CCBE1: variants seen among roughly 807,000 people sequenced by gnomAD.
CCBE1 encodes the protein collagen and calcium-binding EGF domain-containing protein 1.
A neutral mutation model predicts 50.0 loss-of-function variants in CCBE1; 37 were observed. That is an observed-to-expected ratio of 0.74 (90% CI 0.57 to 0.97). CCBE1 has a LOEUF of 0.97. Ranked by LOEUF, CCBE1 falls within the 50% of genes least tolerant of loss-of-function variation. The pLI is 0.00. For synonymous variants in CCBE1, 234 were observed against 203.7 expected (o/e 1.15, Z -1.27); for missense variants, 538 against 523.8 (o/e 1.03, Z -0.26).
chr18:59,514,993 G>C (rs868751435), intron 2 of CCBE1, among the ~76,000 whole-genome samples: 6 of 152,182 alleles, frequency 3.9e-5, no homozygotes, highest in Non-Finnish European at 7.3e-5. Context: ...GAAGCAGGAA[G>C]CTCTGATGTT....
At chr18:59,635,276 GA>G (rs1219452076) in intron 2 of CCBE1, among the ~76,000 whole-genome samples, 4 of 152,112 alleles carry the variant, frequency 2.6e-5, no homozygotes, top group African/African-American at 9.7e-5. Flanking sequence ...TGACATTCAA[GA>G]AATTAAGCAA....
At chr18:59,552,226 G>C (rs140755609) in intron 2 of CCBE1, among the ~76,000 whole-genome samples, 1 of 152,236 alleles carries the variant, frequency 6.6e-6, no homozygotes, top group African/African-American at 2.4e-5. Context: ...ACATCGCTTC[G>C]GGCACATTCT....
chr18:59,689,994 T>C (rs2054707955), intron 2 of CCBE1, among the ~76,000 whole-genome samples: 1 of 152,124 alleles, frequency 6.6e-6, no homozygotes, highest in African/African-American at 2.4e-5. Context: ...AAGTGTGACA[T>C]TAATCAAATG....
chr18:59,440,049 A>T (rs1314159546), intron 7 of CCBE1, among the ~76,000 whole-genome samples: 1 of 152,124 alleles, frequency 6.6e-6, no homozygotes, highest in Non-Finnish European at 1.5e-5. Context: ...CTCAAGCCAA[A>T]AACTGGAGAG....
chr18:59,444,920 A>G (rs1483190149), intron 7 of CCBE1, among the ~76,000 whole-genome samples: 1 of 152,026 alleles, frequency 6.6e-6, no homozygotes, highest in African/African-American at 2.4e-5. Context: ...TGAATATTGA[A>G]GTTCTTATAT....
intron 7 of CCBE1, among the ~76,000 whole-genome samples, chr18:59,444,073 T>C (rs1910565308): frequency 6.6e-6 from 1 of 152,130 alleles, no homozygotes; most frequent in Non-Finnish European, 1.5e-5. Context: ...AAAATTTCCA[T>C]CTTTTTAAAG....
chr18:59,618,983 A>G lies in CCBE1; in HGVS notation c.212+77646T>C, dbSNP rs117799494. Among the ~76,000 whole-genome samples, 82 of 152,352 alleles carry G rather than the reference A, an allele frequency of 5.4e-4. 1 individual carries two copies. The East Asian group carries it at 0.014, about 27-fold the overall frequency. On this transcript the variant is annotated intron_variant, in intron 2 of 10. Transcript: ENST00000439986. ...TTAGGACTGCTAACTGTTCATAGTT[A>G]CAAATCATCTAATAAAACTTTCATG...
chr18:59,631,236 T>G (rs1599081522), intron 2 of CCBE1, among the ~76,000 whole-genome samples: 1 of 149,940 alleles, frequency 6.7e-6, no homozygotes, highest in African/African-American at 2.4e-5. Flanking sequence ...GCATGAAGGA[T>G]AGCGAGAGGG....
At chr18:59,691,950 T>C (rs1236043939) in intron 2 of CCBE1, among the ~76,000 whole-genome samples, 1 of 150,098 alleles carries the variant, frequency 6.7e-6, no homozygotes, top group African/African-American at 2.4e-5. Flanking sequence ...CAAGTTCTAG[T>C]TCAGGCTATG....
At chr18:59,519,816 A>C (rs1914523426) in intron 2 of CCBE1, among the ~76,000 whole-genome samples, 1 of 152,228 alleles carries the variant, frequency 6.6e-6, no homozygotes, top group Admixed American at 6.5e-5. Context: ...TCTTACATTT[A>C]AGTCTGTAGT....
Position 59,500,454 on chromosome 18 carries a change from G to T in CCBE1, c.213-20216C>A, listed in dbSNP as rs558233058. Among the ~76,000 whole-genome samples the T allele has an allele frequency of 4.6e-5, 7 of 152,276 alleles. No individual in the cohort carries two copies. The East Asian group carries it at 1.2e-3, about 25-fold the overall frequency. The stretch of plus-strand genomic sequence containing the variant: ...TGCTGAAGCGTGTGCTGAACTGTGG[G>T]CCATGCTCTCCTGGGTATCTTTCTA... On this transcript the variant is annotated intron_variant, in intron 2 of 10. Coordinates refer to ENST00000439986, the MANE Select transcript of CCBE1 (RefSeq NM_133459.4).
At chr18:59,581,659 A>T (rs1599032768) in intron 2 of CCBE1, among the ~76,000 whole-genome samples, 2 of 152,172 alleles carry the variant, frequency 1.3e-5, no homozygotes. Context: ...CTCCAAATAC[A>T]CCAACCACTA....
chr18:59,488,657 G>A (rs1377956705), intron 2 of CCBE1, among the ~76,000 whole-genome samples: 4 of 152,108 alleles, frequency 2.6e-5, no homozygotes, highest in African/African-American at 4.8e-5. Flanking sequence ...GTGAGAATCC[G>A]GGCTCTGCTG....
chr18:59,518,206 T>G (rs1432870923), intron 2 of CCBE1, among the ~76,000 whole-genome samples: 1 of 152,198 alleles, frequency 6.6e-6, no homozygotes. Flanking sequence ...AGAACAAAGC[T>G]GGCTGGGCAC....
In CCBE1 at chr18:59,629,817, C is replaced by G. The variant is rs148477802; in HGVS notation, c.212+66812G>C. ...AACAGCTTGTCGGGGGAAGGTGGGC[C>G]GGTGCCTTCAGGGGGAGGTAGCAGG... On this transcript the variant is annotated intron_variant, in intron 2 of 10. Transcript: ENST00000439986. Among the ~76,000 whole-genome samples, 1,177 of 152,112 alleles carry G rather than the reference C, an allele frequency of 7.7e-3. 14 individuals are homozygous for G. The highest frequency in any genetic ancestry group is 0.027 in the African/African-American group (1,110 of 41,490).
At chr18:59,482,959 C>T (rs534059064) in intron 2 of CCBE1, among the ~76,000 whole-genome samples, 6 of 151,932 alleles carry the variant, frequency 3.9e-5, no homozygotes, top group Admixed American at 2.0e-4. Flanking sequence ...ACATCATTCT[C>T]GCTCATTTGT....
At chr18:59,498,931 T>G (rs145098878) in intron 2 of CCBE1, among the ~76,000 whole-genome samples, 26 of 152,212 alleles carry the variant, frequency 1.7e-4, no homozygotes, top group Non-Finnish European at 2.9e-4. Flanking sequence ...TAAGGCCAAG[T>G]GGCTCTCGGA....
chr18:59,652,527 A>G (rs1224258643), intron 2 of CCBE1, among the ~76,000 whole-genome samples: 2 of 152,146 alleles, frequency 1.3e-5, no homozygotes, highest in African/African-American at 4.8e-5. Flanking sequence ...AATACTATAA[A>G]TTTAAGAAAG....
chr18:59,511,536 T>G (rs961522823), intron 2 of CCBE1, among the ~76,000 whole-genome samples: 1 of 152,240 alleles, frequency 6.6e-6, no homozygotes, highest in Non-Finnish European at 1.5e-5. Context: ...TTTTCTTACA[T>G]TCATATAATG....
Sources: allele counts gnomAD v4.1 joint callset (sites outside exome capture counted in the v4.1 genomes callset), GRCh38; gene constraint gnomAD v4.1.1; transcripts MANE v1.5; gene names NCBI Gene and HGNC (gene_info 2026-07-23, HGNC 2026-07-21).